Variants in OSBPL10 observed in about 807,000 individuals in gnomAD.
The protein encoded by OSBPL10 is oxysterol-binding protein-related protein 10.
A neutral mutation model predicts 81.7 loss-of-function variants in OSBPL10; 49 were observed. The observed-to-expected ratio is 0.60, with a 90% CI of 0.48 to 0.76. The LOEUF is 0.76. OSBPL10 is among the 30% of genes least tolerant of loss of function. OSBPL10 has a pLI of 0.00. For synonymous variants in OSBPL10, 419 were observed against 383.6 expected, an observed-to-expected ratio of 1.09 and a Z score of -1.08; for missense variants, 923 against 987.8, an observed-to-expected ratio of 0.93 and a Z score of 0.88.
chr3:31,908,247 G>A lies in OSBPL10; in HGVS notation c.282-28417C>T, dbSNP rs540417864. Among the ~76,000 whole-genome samples the A allele has an allele frequency of 4.6e-5, 7 of 152,166 alleles. No individual in the cohort carries two copies. In the East Asian group the frequency reaches 1.4e-3, roughly 29 times the overall value. ...CAGGCATGATAGGGACTGGGGGGTT[G>A]ATTCCAGATATAAAGGGAGACCCCA... On this transcript the variant is annotated intron_variant, in intron 1 of 11. Transcript: ENST00000396556.
intron 3 of OSBPL10, among the ~76,000 whole-genome samples, chr3:31,870,480 C>T (rs1377978650): frequency 6.6e-6 from 1 of 152,248 alleles, no homozygotes; most frequent in Non-Finnish European, 1.5e-5. Context: ...CTATCAACCA[C>T]CCAAGGGCTG....
chr3:31,802,968 CTTT>C lies in OSBPL10; in HGVS notation c.729+27069_729+27071del, dbSNP rs376218656. Among the ~76,000 whole-genome samples the C allele has an allele frequency of 4.1e-3, 537 of 129,976 alleles. 4 individuals are homozygous for C. The highest frequency in any genetic ancestry group is 0.017 in the Middle Eastern group (4 of 238). The allele number at this position is 129,976 out of a possible 152,430, so 85.3% of individuals were successfully genotyped here. On this transcript the variant is annotated intron_variant, in intron 4 of 11. Coordinates refer to ENST00000396556, the MANE Select transcript of OSBPL10 (RefSeq NM_017784.5). Reference sequence around the variant, plus strand: ...CTTATTTAGACAATGGTATTGGGTCCTTTTTTTTTTTTTTTTTTTTTTTACAGC... The same window carrying C: ...CTTATTTAGACAATGGTATTGGGTCCTTTTTTTTTTTTTTTTTTTTACAGC...
chr3:31,677,629 C>G (rs139783615), intron 8 of OSBPL10, among the ~76,000 whole-genome samples: 164 of 152,310 alleles, frequency 1.1e-3, no homozygotes, highest in African/African-American at 3.7e-3. Flanking sequence ...AGAGGGTGTT[C>G]CACGGCTTCT....
At chr3:31,943,610 T>A (rs934328312) in intron 1 of OSBPL10, among the ~76,000 whole-genome samples, 1 of 152,160 alleles carries the variant, frequency 6.6e-6, no homozygotes, top group African/African-American at 2.4e-5. Flanking sequence ...CATGGATATT[T>A]TAACTAAAAC....
At chr3:32,044,380 A>T (rs1162455877) in intron 2 of OSBPL10, among the ~76,000 whole-genome samples, 1 of 148,350 alleles carries the variant, frequency 6.7e-6, no homozygotes, top group Non-Finnish European at 1.5e-5. Context: ...TATATATAAT[A>T]AATAATAATA....
chr3:31,788,947 C>T (rs190937598), intron 4 of OSBPL10, among the ~76,000 whole-genome samples: 44 of 151,860 alleles, frequency 2.9e-4, no homozygotes, highest in African/African-American at 1.1e-3. Context: ...TACTTCCTTC[C>T]TGGATGTTTC....
chr3:31,965,619 TATATATTATATA>T (rs1698337248), intron 1 of OSBPL10, among the ~76,000 whole-genome samples: 1 of 79,552 alleles, frequency 1.3e-5, no homozygotes, highest in African/African-American at 5.3e-5. Flanking sequence ...TTATATAAAT[TATATATTATATA>T]ATATATTATA....
intron 3 of OSBPL10, among the ~76,000 whole-genome samples, chr3:31,850,721 G>T (rs758789399): frequency 6.6e-6 from 1 of 152,128 alleles, no homozygotes; most frequent in Non-Finnish European, 1.5e-5. Flanking sequence ...TTATAATCAC[G>T]ATATTAATAG....
At chr3:31,865,533 T>G (rs749333989) in intron 3 of OSBPL10, among the ~76,000 whole-genome samples, 2 of 152,126 alleles carry the variant, frequency 1.3e-5, no homozygotes, top group Non-Finnish European at 2.9e-5. Flanking sequence ...TAAAATTCAT[T>G]TGTTGAGATC....
At chr3:31,870,324 C>T (rs566937833) in intron 3 of OSBPL10, among the ~76,000 whole-genome samples, 8 of 152,368 alleles carry the variant, frequency 5.3e-5, no homozygotes, top group East Asian at 3.9e-4. Flanking sequence ...GCGCTGCCCT[C>T]GATTTCTCAC....
chr3:31,759,926 AT>A (rs772227492), intron 4 of OSBPL10, among the ~76,000 whole-genome samples: 1 of 151,848 alleles, frequency 6.6e-6, no homozygotes, highest in Non-Finnish European at 1.5e-5. Flanking sequence ...CACCTGGCTA[AT>A]TTTTTTGTAT....
In OSBPL10 at chr3:31,936,076, G is replaced by C. The variant is rs138056109; in HGVS notation, c.281+44823C>G. ...AACTCCTGAACTGTCATTTCCTTAT[G>C]TAACTCCCCTCTGTTCTAACATTCC... On this transcript the variant is annotated intron_variant, in intron 1 of 11. Transcript: ENST00000396556. 3.8e-3 allele frequency among the ~76,000 whole-genome samples: 578 copies of C among 152,144 alleles called. 5 individuals are homozygous for C. Among genetic ancestry groups the C allele is most frequent in the African/African-American group, 0.013 (549 of 41,512 alleles).
intron 1 of OSBPL10, among the ~76,000 whole-genome samples, chr3:31,970,838 T>G (rs971196175): frequency 6.6e-6 from 1 of 152,226 alleles, no homozygotes; most frequent in African/African-American, 2.4e-5. Flanking sequence ...CAGTCTCATC[T>G]CTGGCCACAC....
intron 2 of OSBPL10, chr3:31,989,325 A>C (rs779872387): frequency 6.2e-7 from 1 of 1,614,138 alleles, no homozygotes; most frequent in African/African-American, 1.3e-5. Flanking sequence ...AAGGCAATAC[A>C]GAAGTGGACA....
chr3:31,886,009 A>AAAAG (rs1695725503), intron 1 of OSBPL10, among the ~76,000 whole-genome samples: 2 of 146,168 alleles, frequency 1.4e-5, no homozygotes, highest in Admixed American at 1.4e-4. Flanking sequence ...AAAAAAAAAA[A>AAAAG]AAAAAGAAAG....
Position 31,684,062 on chromosome 3 carries a change from G to C in OSBPL10, c.1298C>G (p.Ala433Gly). The part of the protein sequence containing the change: ...LEKRSLLEMY[A>G]DFMAHPDLLL... ...TAGGTCTGGGTGCGCCATGAAATCT[G>C]CATACATCTCCAGCAAAGATCGCTT... Residue 433 changes from alanine to glycine, a missense_variant, in exon 8 of 12, where the codon GCA becomes GGA. Physicochemically the swap from Ala to Gly is moderately conservative, Grantham distance 60. Transcript: ENST00000396556. 6 of 1,614,226 alleles carry C rather than the reference G, an allele frequency of 3.7e-6. No individual in the cohort carries two copies. Among genetic ancestry groups the C allele is most frequent in the Non-Finnish European group, 5.1e-6 (6 of 1,180,048 alleles).
intron 4 of OSBPL10, among the ~76,000 whole-genome samples, chr3:31,775,862 G>A (rs1265025291): frequency 6.6e-6 from 1 of 152,180 alleles, no homozygotes. Context: ...GAGAGAACCA[G>A]GTTCCAGTTA....
At position 32,024,755 on chromosome 3, in the gene OSBPL10, T is replaced by G. The variant is rs183838299; in HGVS notation, n.298+21736A>C. ...TCCCAAAGTGCTGGGATTACAGGCA[T>G]GAGCTACCGTGCCCGGCCGGAATTA... On this transcript the variant is annotated intron_variant and non_coding_transcript_variant, in intron 2 of 3. Transcript: ENST00000479173. 1.7e-3 allele frequency among the ~76,000 whole-genome samples: 252 copies of G among 152,284 alleles called. 1 individual carries two copies. The highest frequency in any genetic ancestry group is 5.7e-3 in the African/African-American group (239 of 41,574).
At chr3:31,679,191 T>G (rs1439836099) in intron 8 of OSBPL10, among the ~76,000 whole-genome samples, 1 of 152,208 alleles carries the variant, frequency 6.6e-6, no homozygotes, top group East Asian at 1.9e-4. Context: ...TTCTTAAACC[T>G]GCTTCAGGCC....
Sources: allele counts gnomAD v4.1 joint callset (sites outside exome capture counted in the v4.1 genomes callset), GRCh38; gene constraint gnomAD v4.1.1; transcripts MANE v1.5; gene names NCBI Gene and HGNC (gene_info 2026-07-23, HGNC 2026-07-21).